The following LEMD3 variants were observed in gnomAD, a reference collection of about 807,000 sequenced individuals.
LEMD3 encodes LEM domain containing 3.
A neutral mutation model predicts 95.2 loss-of-function variants in LEMD3; 33 were observed. That is an observed-to-expected ratio of 0.35 (90% CI 0.26 to 0.46). LEMD3 has a LOEUF of 0.46. Among genes scored for constraint, LEMD3 ranks in the 20% least tolerant of loss-of-function variants. The probability of loss-of-function intolerance (pLI) is 1.00; values close to 1 mark genes in which losing one functional copy is unlikely to be tolerated. For synonymous variants in LEMD3, 525 were observed against 474.6 expected, an observed-to-expected ratio of 1.11 and a Z score of -1.38; for missense variants, 1,210 against 1,192.8, an observed-to-expected ratio of 1.01 and a Z score of -0.21.
chr12:65,231,324 A>T (rs1225849195), intron 4 of LEMD3, among the ~76,000 whole-genome samples: 2 of 152,204 alleles, frequency 1.3e-5, no homozygotes, highest in African/African-American at 4.8e-5. Flanking sequence ...CCAAAAATGT[A>T]ATTTTAAGGT....
intron 4 of LEMD3, among the ~76,000 whole-genome samples, chr12:65,219,977 C>G (rs1026925393): frequency 2.0e-5 from 3 of 152,178 alleles, no homozygotes; most frequent in Non-Finnish European, 4.4e-5. Context: ...GTTTCCACCT[C>G]TTGGCTATTG....
At chr12:65,229,350 A>G (rs1870554739) in intron 4 of LEMD3, among the ~76,000 whole-genome samples, 1 of 152,184 alleles carries the variant, frequency 6.6e-6, no homozygotes, top group African/African-American at 2.4e-5. Context: ...ATGAGAGTAC[A>G]GATACCTCTT....
intron 1 of LEMD3, among the ~76,000 whole-genome samples, chr12:65,194,307 A>G (rs10878241): frequency 6.6e-6 from 1 of 152,116 alleles, no homozygotes; most frequent in Non-Finnish European, 1.5e-5. Context: ...GGGGAATTGC[A>G]ATAGAGAAAG....
intron 1 of LEMD3, 181 bp downstream of exon 1, chr12:65,171,299 A>G (rs1592426007): frequency 1.8e-6 from 2 of 1,103,002 alleles, no homozygotes; most frequent in Non-Finnish European, 2.5e-6. Context: ...ATGATGTCAT[A>G]TGGCTGGTTT....
At chr12:65,232,298 T>G (rs1186758453) in intron 4 of LEMD3, among the ~76,000 whole-genome samples, 1 of 152,136 alleles carries the variant, frequency 6.6e-6, no homozygotes, top group African/African-American at 2.4e-5. Context: ...TATTACATAT[T>G]TTCATGTATT....
chr12:65,190,960 A>C (rs867158613), intron 1 of LEMD3, among the ~76,000 whole-genome samples: 2 of 152,144 alleles, frequency 1.3e-5, no homozygotes, highest in African/African-American at 4.8e-5. Flanking sequence ...GTTTCCTTAA[A>C]TCTGCAAAGC....
chr12:65,198,092 G>T (rs1869488239), intron 1 of LEMD3, among the ~76,000 whole-genome samples: 1 of 151,894 alleles, frequency 6.6e-6, no homozygotes, highest in African/African-American at 2.4e-5. Context: ...ATCCCTTTTG[G>T]ATCTCCAAAT....
chr12:65,170,791 AGT>A lies in LEMD3; in HGVS notation c.1199_1200del (p.Val400GlyfsTer8). ...TAATCATATTGGCGGTGGGGCCTTC[AGT>A]GTGGACTCCCCCAGGATTTATTCTA... Reference protein sequence around the residue: ...TNNHIGGGAFSVDSPRIYSNS... With the variant: ...TNNHIGGGAFXVDSPRIYSNS... On this transcript the variant is annotated frameshift_variant, in exon 1 of 13. Coordinates refer to ENST00000308330, the MANE Select transcript of LEMD3 (RefSeq NM_014319.5). LOFTEE classifies it high-confidence loss of function. 6.2e-7 allele frequency: 1 copy of A among 1,614,160 alleles called. No individual in the cohort carries two copies. Among genetic ancestry groups the A allele is most frequent in the Non-Finnish European group, 8.5e-7 (1 of 1,180,026 alleles).
At chr12:65,220,661 C>T (rs1870257696) in intron 4 of LEMD3, among the ~76,000 whole-genome samples, 2 of 152,100 alleles carry the variant, frequency 1.3e-5, no homozygotes, top group African/African-American at 4.8e-5. Flanking sequence ...CGTCAAGAAG[C>T]TTTTCTTCTA....
In LEMD3 at chr12:65,247,293, T is replaced by C. The variant is rs1166548829; in HGVS notation, c.*968T>C. On this transcript the variant is annotated 3_prime_UTR_variant, in exon 13 of 13. Transcript: ENST00000308330. Reference sequence around the variant, plus strand: ...TGTGAAAAGCTGTATTTATTATAAATACTAGGGCCATGACATAGTACCATT... The same window carrying C: ...TGTGAAAAGCTGTATTTATTATAAACACTAGGGCCATGACATAGTACCATT... The C allele has an allele frequency of 6.6e-6, 1 of 152,598 alleles. No individual in the cohort carries two copies. Among genetic ancestry groups the C allele is most frequent in the Non-Finnish European group, 1.5e-5 (1 of 68,010 alleles). 9.5% of individuals were successfully genotyped at this position (152,598 alleles called of 1,614,324 possible).
At chr12:65,241,235 A>C in intron 9 of LEMD3, 148 bp downstream of exon 9, 1 of 675,656 alleles carries the variant, frequency 1.5e-6, no homozygotes, top group Non-Finnish European at 2.6e-6. Context: ...TTAGCTTCTT[A>C]TGTATCCTTC....
intron 4 of LEMD3, among the ~76,000 whole-genome samples, chr12:65,231,410 C>T (rs1437495864): frequency 6.6e-6 from 1 of 152,056 alleles, no homozygotes; most frequent in Non-Finnish European, 1.5e-5. Context: ...ATTGGCTAGG[C>T]ACAGTGGCTC....
intron 1 of LEMD3, among the ~76,000 whole-genome samples, chr12:65,199,617 T>C (rs1051591818): frequency 1.3e-5 from 2 of 152,108 alleles, no homozygotes; most frequent in Non-Finnish European, 2.9e-5. Context: ...AAAAAAAAAT[T>C]GTTACATTAC....
At chr12:65,218,789 T>TC (rs1870190784) in intron 4 of LEMD3, among the ~76,000 whole-genome samples, 170 bp downstream of exon 4, 2 of 150,080 alleles carry the variant, frequency 1.3e-5, no homozygotes, top group Non-Finnish European at 3.0e-5. Flanking sequence ...TCAACTTTTT[T>TC]TTTTTTTTTT....
chr12:65,237,449 A>G (rs1870806102), intron 4 of LEMD3, among the ~76,000 whole-genome samples: 1 of 152,192 alleles, frequency 6.6e-6, no homozygotes, highest in African/African-American at 2.4e-5. Context: ...CCAAACCTCT[A>G]TAAGTAGTAG....
intron 8 of LEMD3, chr12:65,240,702 GA>G (rs1235083299): frequency 7.4e-5 from 43 of 583,830 alleles, no homozygotes; most frequent in South Asian, 2.3e-4. Flanking sequence ...AGCTTTTGGG[GA>G]AAAAAAATAC....
intron 1 of LEMD3, among the ~76,000 whole-genome samples, chr12:65,195,546 C>T (rs75114971): frequency 6.6e-6 from 1 of 152,064 alleles, no homozygotes; most frequent in Non-Finnish European, 1.5e-5. Flanking sequence ...GTCATCTTCC[C>T]TAAATTTGCA....
At chr12:65,240,071 C>T in intron 7 of LEMD3, 41 bp downstream of exon 7, 1 of 1,544,804 alleles carries the variant, frequency 6.5e-7, no homozygotes, top group Non-Finnish European at 8.9e-7. Context: ...CTAGAAGAGT[C>T]ATTGCATGAT....
intron 1 of LEMD3, among the ~76,000 whole-genome samples, chr12:65,207,839 TTATCTGAGAATTCATAACA>T (rs1869811193): frequency 2.6e-5 from 4 of 152,162 alleles, no homozygotes; most frequent in Admixed American, 2.6e-4. Context: ...TTTTTCCTTT[TTATCTGAGAATTCATAACA>T]TGATAAACTT....
Sources: gnomAD v4.1 joint callset for allele counts (sites outside exome capture counted in the v4.1 genomes callset) on GRCh38, gnomAD v4.1.1 for gene constraint, MANE v1.5 for transcripts, NCBI Gene and HGNC (gene_info 2026-07-23, HGNC 2026-07-21) for gene names.